ESRRG: variants seen among roughly 807,000 people sequenced by gnomAD.
The protein encoded by ESRRG is estrogen-related receptor gamma.
A neutral mutation model predicts 44.0 loss-of-function variants in ESRRG; 13 were observed. The observed-to-expected ratio is 0.30, with a 90% CI of 0.19 to 0.47. ESRRG has a LOEUF of 0.47. Ranked by LOEUF, ESRRG falls within the 20% of genes least tolerant of loss-of-function variation. ESRRG has a pLI of 1.00. For synonymous variants in ESRRG, 215 were observed against 214.6 expected (o/e 1.00, Z -0.02); for missense variants, 395 against 580.6 (o/e 0.68, Z 3.29).
Position 216,890,590 on chromosome 1 carries a change from G to A in ESRRG, c.-14+48992C>T, listed in dbSNP as rs139850266. On this transcript the variant is annotated intron_variant, in intron 2 of 7. Transcript: ENST00000359162. ...GTTGGGCTGGAAATAACAAAATGAG[G>A]GTTTTACAGTGAACATTTATTGAGC... Among the ~76,000 whole-genome samples the A allele has an allele frequency of 8.5e-3, 1,291 of 152,144 alleles. 27 individuals are homozygous for A. Among genetic ancestry groups the A allele is most frequent in the African/African-American group, 0.03 (1,234 of 41,506 alleles).
chr1:216,958,189 T>C (rs1560260392), intron 1 of ESRRG, among the ~76,000 whole-genome samples: 1 of 152,192 alleles, frequency 6.6e-6, no homozygotes, highest in Admixed American at 6.5e-5. Flanking sequence ...TTGATGGACA[T>C]TTGGGGTTGT....
intron 1 of ESRRG, chr1:217,076,937 G>C (rs1293224271): frequency 6.6e-6 from 1 of 152,190 alleles, no homozygotes; most frequent in Non-Finnish European, 1.5e-5. Context: ...GACCTGCCAA[G>C]TTTGTGGAGA....
At chr1:216,900,500 A>G (rs1166325304) in intron 2 of ESRRG, among the ~76,000 whole-genome samples, 1 of 152,176 alleles carries the variant, frequency 6.6e-6, no homozygotes, top group East Asian at 1.9e-4. Context: ...GCAAAATTAT[A>G]TCTGGTGTGT....
At chr1:216,534,817 G>A (rs914806695) in intron 5 of ESRRG, among the ~76,000 whole-genome samples, 4 of 152,102 alleles carry the variant, frequency 2.6e-5, no homozygotes, top group Admixed American at 2.0e-4. Flanking sequence ...TTAGGTTGTG[G>A]CAACATCATG....
intron 2 of ESRRG, among the ~76,000 whole-genome samples, chr1:216,849,476 A>G (rs1318372051): frequency 6.6e-6 from 1 of 152,110 alleles, no homozygotes; most frequent in Non-Finnish European, 1.5e-5. Flanking sequence ...GCTTTTATAT[A>G]TTTATTTATT....
At chr1:216,707,471 G>T in intron 1 of ESRRG, 1 of 1,534,344 alleles carries the variant, frequency 6.5e-7, no homozygotes, top group South Asian at 1.2e-5. Context: ...TTCATGATGG[G>T]AACTTTACAT....
intron 3 of ESRRG, among the ~76,000 whole-genome samples, chr1:216,624,075 C>G (rs1242094500): frequency 2.6e-5 from 4 of 152,158 alleles, no homozygotes; most frequent in Non-Finnish European, 5.9e-5. Flanking sequence ...TTCCCACTAA[C>G]ACCTAGAAAA....
chr1:216,609,918 C>T (rs1004197545), intron 3 of ESRRG, among the ~76,000 whole-genome samples: 2 of 152,142 alleles, frequency 1.3e-5, no homozygotes, highest in East Asian at 1.9e-4. Context: ...TTTAAAAGTA[C>T]TTTTCCATAT....
intron 1 of ESRRG, among the ~76,000 whole-genome samples, chr1:217,056,628 A>G (rs1352012562): frequency 6.6e-6 from 1 of 151,528 alleles, no homozygotes; most frequent in Non-Finnish European, 1.5e-5. Flanking sequence ...CACAATTTAC[A>G]ATACTATGAG....
chr1:216,896,770 G>T (rs2058472226), intron 2 of ESRRG, among the ~76,000 whole-genome samples: 1 of 152,100 alleles, frequency 6.6e-6, no homozygotes, highest in Admixed American at 6.5e-5. Context: ...AGTTAAAAGC[G>T]AATGAAAATG....
chr1:216,927,317 T>G (rs1228673798), intron 2 of ESRRG, among the ~76,000 whole-genome samples: 1 of 152,170 alleles, frequency 6.6e-6, no homozygotes, highest in Non-Finnish European at 1.5e-5. Context: ...GCTAATCACC[T>G]GCAAGTAATA....
rs143435551 is a variant in ESRRG, at chr1:216,598,845, A to T, written c.590-30747T>A. Reference sequence around the variant, plus strand: ...CAGTCAGTCAAAAAGAATTAATTTAATGCCTACTGTGTGCAGAGAAGAGCA... The same window carrying T: ...CAGTCAGTCAAAAAGAATTAATTTATTGCCTACTGTGTGCAGAGAAGAGCA... On this transcript the variant is annotated intron_variant, in intron 3 of 6. Transcript: ENST00000408911. 6.9e-4 allele frequency among the ~76,000 whole-genome samples: 105 copies of T among 152,338 alleles called. 1 individual carries two copies. The highest frequency in any genetic ancestry group is 2.4e-3 in the African/African-American group (100 of 41,578).
chr1:216,768,412 C>T (rs1305514117), intron 2 of ESRRG, among the ~76,000 whole-genome samples: 1 of 150,404 alleles, frequency 6.6e-6, no homozygotes, highest in Admixed American at 6.6e-5. Flanking sequence ...ATATAATTAT[C>T]CTGTGAGGTA....
At chr1:217,098,495 ATTCCAGAATCGATGCTCTT>A (rs1381798599) in intron 1 of ESRRG, among the ~76,000 whole-genome samples, 2 of 152,206 alleles carry the variant, frequency 1.3e-5, no homozygotes, top group Admixed American at 6.5e-5. Context: ...GAGATCCGGG[ATTCCAGAATCGATGCTCTT>A]TTCCTGGAGC....
chr1:216,968,388 T>C (rs59057619), intron 1 of ESRRG, among the ~76,000 whole-genome samples: 6,602 of 152,234 alleles, frequency 0.043, 452 homozygotes, highest in African/African-American at 0.15. Flanking sequence ...ATATGACACA[T>C]TTTGAGTTAA....
chr1:216,576,510 T>C (rs2061705590), intron 3 of ESRRG, among the ~76,000 whole-genome samples: 1 of 151,972 alleles, frequency 6.6e-6, no homozygotes. Context: ...CATAGGAAAT[T>C]ACAAAGGCTT....
rs940616276 is a variant in ESRRG at position 216,662,335 on chromosome 1, A to T, written c.473-11246T>A. ...CTTCGTGAGAAGCAAAAGCAAACAAACCAACCAAAGAGTATGCCATGGACT... is the reference window on the plus strand; with the variant it reads ...CTTCGTGAGAAGCAAAAGCAAACAATCCAACCAAAGAGTATGCCATGGACT... On this transcript the variant is annotated intron_variant, in intron 2 of 6. Transcript: ENST00000408911. 3.3e-5 allele frequency among the ~76,000 whole-genome samples: 5 copies of T among 152,082 alleles called. No homozygotes were observed. In the East Asian group the frequency reaches 9.6e-4, roughly 29 times the overall value.
At chr1:217,001,741 G>A (rs572116893) in intron 1 of ESRRG, among the ~76,000 whole-genome samples, 2 of 152,228 alleles carry the variant, frequency 1.3e-5, no homozygotes, top group South Asian at 2.1e-4. Flanking sequence ...GAGGAGGTAG[G>A]GGCCGGTTCA....
chr1:216,915,162 C>T (rs1444186984), intron 2 of ESRRG, among the ~76,000 whole-genome samples: 1 of 152,174 alleles, frequency 6.6e-6, no homozygotes, highest in Non-Finnish European at 1.5e-5. Flanking sequence ...TGCCACACCA[C>T]CTCATGAATT....
Sources: allele counts gnomAD v4.1 joint callset (sites outside exome capture counted in the v4.1 genomes callset), GRCh38; gene constraint gnomAD v4.1.1; transcripts MANE v1.5; gene names NCBI Gene and HGNC (gene_info 2026-07-23, HGNC 2026-07-21).